The following ITGA9 variants were observed in gnomAD, a reference collection of about 807,000 sequenced individuals.
ITGA9 encodes the protein integrin subunit alpha 9.
In ITGA9, 56 loss-of-function variants were observed where a neutral mutation model predicts 127.8. The observed-to-expected ratio is 0.44, with a 90% CI of 0.35 to 0.55. The LOEUF (loss-of-function observed/expected upper bound fraction) is 0.55. Among genes scored for constraint, ITGA9 ranks in the 20% least tolerant of loss-of-function variants. The pLI, the probability that ITGA9 is intolerant of heterozygous loss-of-function variation, is 0.00. For synonymous variants in ITGA9, 508 were observed against 514.5 expected (o/e 0.99, Z 0.17); for missense variants, 1,196 against 1,347.1 (o/e 0.89, Z 1.76).
At chr3:37,641,483 A>T (rs1435615298) in intron 16 of ITGA9, among the ~76,000 whole-genome samples, 1 of 151,970 alleles carries the variant, frequency 6.6e-6, no homozygotes, top group Non-Finnish European at 1.5e-5. Flanking sequence ...GAGGGAGAAG[A>T]TCTGGGGAGG....
chr3:37,571,825 G>A (rs578035237), intron 15 of ITGA9, among the ~76,000 whole-genome samples: 1 of 151,952 alleles, frequency 6.6e-6, no homozygotes, highest in African/African-American at 2.4e-5. Context: ...GAAGGGAGGA[G>A]TCCTTGTCCA....
Position 37,743,969 on chromosome 3 carries a change from G to A in ITGA9, c.2368G>A (p.Ala790Thr), listed in dbSNP as rs201925616. 1.5e-5 allele frequency: 24 copies of A among 1,614,010 alleles called. No individual in the cohort carries two copies. In the East Asian group the frequency reaches 2.0e-4, roughly 13 times the overall value. ...TSFVYGESVDAANFIQLDDLE... is the reference protein window; with the variant it reads ...TSFVYGESVDTANFIQLDDLE... ...CTTTGTATATGGCGAGTCCGTGGAC[G>A]CAGCCAACTTCATTCAGCTGGATGA... The change falls in exon 22 of 28, where the codon GCA becomes ACA. Residue 790 changes from alanine (A) to threonine (T), a missense_variant. Physicochemically the swap from Ala to Thr is moderately conservative, Grantham distance 58. Coordinates refer to ENST00000264741, the MANE Select transcript of ITGA9 (RefSeq NM_002207.3).
chr3:37,512,124 C>T (rs1211079356), intron 8 of ITGA9, among the ~76,000 whole-genome samples: 2 of 15,316 alleles, frequency 1.3e-4, no homozygotes, highest in African/African-American at 2.3e-4. Flanking sequence ...TTCCTTCTTT[C>T]TTTTCTTTTC....
chr3:37,820,587 A>C lies in ITGA9; in HGVS notation c.*1598A>C. 1 of 152,190 alleles carries C rather than the reference A, an allele frequency of 6.6e-6. No homozygotes were observed. Among genetic ancestry groups the C allele is most frequent in the East Asian group, 1.9e-4 (1 of 5,194 alleles). 9.4% of individuals were successfully genotyped at this position (152,190 alleles called of 1,614,324 possible). On this transcript the variant is annotated 3_prime_UTR_variant, in exon 28 of 28. Transcript: ENST00000264741. The stretch of plus-strand genomic sequence containing the variant: ...GCTGCTTAGTTTTGAGTGCAGTGTG[A>C]TTTTCTGAAAGGGCAATGAGATGAT...
intron 1 of ITGA9, among the ~76,000 whole-genome samples, chr3:37,465,404 G>T (rs890029688): frequency 1.3e-5 from 2 of 152,288 alleles, no homozygotes; most frequent in Non-Finnish European, 1.5e-5. Flanking sequence ...ACCAGGAGGG[G>T]GTTTGGAGAG....
At chr3:37,591,194 C>T (rs923192151) in intron 15 of ITGA9, among the ~76,000 whole-genome samples, 3 of 152,222 alleles carry the variant, frequency 2.0e-5, no homozygotes, top group East Asian at 3.8e-4. Context: ...CCTTTCTCCT[C>T]ATTTTTTCCC....
At chr3:37,576,827 G>A (rs895010121) in intron 15 of ITGA9, among the ~76,000 whole-genome samples, 22 of 152,308 alleles carry the variant, frequency 1.4e-4, no homozygotes, top group Non-Finnish European at 2.8e-4. Context: ...GGCTGGTGTC[G>A]AACTCAAGTG....
Position 37,629,073 on chromosome 3 carries a change from G to C in ITGA9, c.1690-114G>C. On this transcript the variant is annotated intron_variant, in intron 15 of 27. Transcript: ENST00000264741. The surrounding 1 kb of genome is among the most constrained non-coding windows in gnomAD (Gnocchi z 4.5). ...TCATAAAACCCTACCTCACGAGGGTGATTGTGAGGATTATATGAGGCAATT... is the reference window on the plus strand; with the variant it reads ...TCATAAAACCCTACCTCACGAGGGTCATTGTGAGGATTATATGAGGCAATT... The C allele has an allele frequency of 8.3e-7, 1 of 1,209,242 alleles. No individual in the cohort carries two copies. The highest frequency in any genetic ancestry group is 2.4e-5 in the East Asian group (1 of 42,508). 74.9% of individuals were successfully genotyped at this position (1,209,242 alleles called of 1,614,324 possible).
chr3:37,771,734 CAA>C (rs903920283), intron 23 of ITGA9, among the ~76,000 whole-genome samples: 6 of 152,166 alleles, frequency 3.9e-5, no homozygotes, highest in Admixed American at 1.3e-4. Context: ...CCTTCCAGCC[CAA>C]GAGACTGTGC....
chr3:37,579,850 C>T (rs959784233), intron 15 of ITGA9, among the ~76,000 whole-genome samples: 12 of 152,186 alleles, frequency 7.9e-5, no homozygotes, highest in African/African-American at 2.4e-4. Context: ...TCAATTGATT[C>T]AGATTCAGCC....
intron 22 of ITGA9, among the ~76,000 whole-genome samples, chr3:37,745,277 G>C (rs141426021): frequency 3.9e-5 from 6 of 152,222 alleles, no homozygotes; most frequent in Non-Finnish European, 7.4e-5. Context: ...CATAACACAT[G>C]TCCCCAGCTC....
At chr3:37,579,307 A>T (rs1699681488) in intron 15 of ITGA9, among the ~76,000 whole-genome samples, 1 of 152,174 alleles carries the variant, frequency 6.6e-6, no homozygotes, top group Non-Finnish European at 1.5e-5. Flanking sequence ...AGGATCAAGG[A>T]TCCTTTCCTC....
intron 18 of ITGA9, among the ~76,000 whole-genome samples, chr3:37,697,561 C>T (rs561768151): frequency 6.6e-6 from 1 of 152,088 alleles, no homozygotes; most frequent in East Asian, 1.9e-4. Context: ...GTTCAATTCC[C>T]ACCTATGAGT....
At chr3:37,532,813 G>C (rs1339387156) in intron 13 of ITGA9, among the ~76,000 whole-genome samples, 1 of 152,200 alleles carries the variant, frequency 6.6e-6, no homozygotes, top group Admixed American at 6.5e-5. Flanking sequence ...CCAATGAATT[G>C]GTGGAGGTAA....
chr3:37,651,964 T>C (rs1266173292), intron 16 of ITGA9, among the ~76,000 whole-genome samples: 1 of 152,084 alleles, frequency 6.6e-6, no homozygotes, highest in South Asian at 2.1e-4. Context: ...CACCTCCATC[T>C]CCACCTCCAC....
intron 16 of ITGA9, among the ~76,000 whole-genome samples, chr3:37,638,494 A>G (rs1700302288): frequency 1.3e-5 from 2 of 151,274 alleles, no homozygotes; most frequent in African/African-American, 4.9e-5. Flanking sequence ...ATGTTGGCTC[A>G]GTTTGAGGAG....
intron 16 of ITGA9, among the ~76,000 whole-genome samples, chr3:37,652,812 G>A (rs915138794): frequency 6.6e-6 from 1 of 152,232 alleles, no homozygotes; most frequent in Non-Finnish European, 1.5e-5. Flanking sequence ...TCTAACAGTA[G>A]TGAAGAGTCT....
intron 15 of ITGA9, among the ~76,000 whole-genome samples, chr3:37,612,959 C>CT (rs35973222): frequency 0.034 from 4,808 of 140,816 alleles, 129 homozygotes; most frequent in African/African-American, 0.079. Flanking sequence ...TTGTGCTGTT[C>CT]TTTTTTTTTT....
Position 37,819,120 on chromosome 3 carries a change from T to C in ITGA9, c.*131T>C. 2.6e-6 allele frequency: 2 copies of C among 768,618 alleles called. No individual in the cohort carries two copies. The highest frequency in any genetic ancestry group is 2.0e-5 in the Admixed American group (1 of 49,028). The allele number at this position is 768,618 out of a possible 1,614,324, so 47.6% of individuals were successfully genotyped here. ...ACTGATGCTGTTCTCTTCTTCATTC[T>C]ATCAAGCCCAGGTGCCAGCCTGAGG... is the stretch of plus-strand genomic sequence containing the variant. On this transcript the variant is annotated 3_prime_UTR_variant, in exon 28 of 28. Coordinates refer to ENST00000264741, the MANE Select transcript of ITGA9 (RefSeq NM_002207.3).
Sources: allele counts gnomAD v4.1 joint callset (sites outside exome capture counted in the v4.1 genomes callset), GRCh38; gene constraint gnomAD v4.1.1; non-coding constraint Gnocchi (gnomAD v3.1); transcripts MANE v1.5; gene names NCBI Gene and HGNC (gene_info 2026-07-23, HGNC 2026-07-21).